PIK3C2G: variants seen among roughly 807,000 people sequenced by gnomAD.
The protein encoded by PIK3C2G is phosphatidylinositol-4-phosphate 3-kinase catalytic subunit type 2 gamma.
In PIK3C2G, 168 loss-of-function variants were observed where a neutral mutation model predicts 181.1. That is an observed-to-expected ratio of 0.93 (90% CI 0.82 to 1.05). The LOEUF is 1.05. Ranked by LOEUF, PIK3C2G falls within the 50% of genes least tolerant of loss-of-function variation. PIK3C2G has a pLI of 0.00. For missense variants in PIK3C2G, 1,869 were observed against 1,732.8 expected, an observed-to-expected ratio of 1.08 and a Z score of -1.40; for synonymous variants, 573 against 592.2, an observed-to-expected ratio of 0.97 and a Z score of 0.47.
chr12:18,689,876 A>G, the PIK3C2G span, among the ~76,000 whole-genome samples: 1 of 150,904 alleles, frequency 6.6e-6, no homozygotes, highest in Non-Finnish European at 1.5e-5. Context: ...GCCTTCTACT[A>G]TCTGAGCAAG....
chr12:18,580,743 C>G (rs1281025997), intron 29 of PIK3C2G, among the ~76,000 whole-genome samples: 1 of 152,162 alleles, frequency 6.6e-6, no homozygotes, highest in African/African-American at 2.4e-5. Context: ...CATTCTGACA[C>G]ACTGCTTTAT....
intron 11 of PIK3C2G, among the ~76,000 whole-genome samples, chr12:18,349,989 G>A (rs1940071491): frequency 6.6e-6 from 1 of 152,178 alleles, no homozygotes; most frequent in Non-Finnish European, 1.5e-5. Context: ...GGAATACGTA[G>A]TCCATGTCGT....
chr12:18,384,197 A>G (rs1451003637), intron 14 of PIK3C2G, among the ~76,000 whole-genome samples: 2 of 152,134 alleles, frequency 1.3e-5, no homozygotes, highest in Admixed American at 1.3e-4. Flanking sequence ...AAAACAATTA[A>G]GTGGTAGATT....
At chr12:18,518,872 T>A (rs1942728699) in intron 24 of PIK3C2G, among the ~76,000 whole-genome samples, 1 of 152,246 alleles carries the variant, frequency 6.6e-6, no homozygotes, top group Admixed American at 6.5e-5. Context: ...GGATATTTAG[T>A]GCTATAAATT....
chr12:18,693,120 A>T, the PIK3C2G span: 1 of 1,520,326 alleles, frequency 6.6e-7, no homozygotes, highest in East Asian at 2.3e-5. Context: ...CTTGGAAGAG[A>T]TCATTGATGA....
chr12:18,515,449 GTATAT>G (rs1396550834), intron 24 of PIK3C2G, among the ~76,000 whole-genome samples: 14 of 151,760 alleles, frequency 9.2e-5, no homozygotes, highest in Non-Finnish European at 1.8e-4. Context: ...TTTAATCTTG[GTATAT>G]TATATGTATC....
intron 15 of PIK3C2G, among the ~76,000 whole-genome samples, chr12:18,394,910 T>TA (rs557223831): frequency 2.0e-5 from 3 of 151,902 alleles, no homozygotes; most frequent in African/African-American, 2.4e-5. Flanking sequence ...AAATTTGATT[T>TA]AAAAAAAATT....
chr12:18,566,552 T>C (rs1257228812), intron 28 of PIK3C2G, among the ~76,000 whole-genome samples: 1 of 152,186 alleles, frequency 6.6e-6, no homozygotes, highest in Non-Finnish European at 1.5e-5. Flanking sequence ...ATTTAGTTAG[T>C]GTAATGGTGT....
chr12:18,584,036 T>G (rs929087920), intron 29 of PIK3C2G, among the ~76,000 whole-genome samples: 10 of 99,532 alleles, frequency 1.0e-4, no homozygotes, highest in East Asian at 3.1e-4. Flanking sequence ...TGTTTTTTTG[T>G]TTTTTTTTTT....
chr12:18,665,767 T>C, the PIK3C2G span, among the ~76,000 whole-genome samples: 85 of 151,976 alleles, frequency 5.6e-4, 1 homozygote, highest in Admixed American at 2.2e-3. Flanking sequence ...AAACTCCTTC[T>C]CTAGTAAAAT....
At chr12:18,410,274 G>A (rs368064936) in intron 16 of PIK3C2G, among the ~76,000 whole-genome samples, 1 of 152,104 alleles carries the variant, frequency 6.6e-6, no homozygotes, top group Non-Finnish European at 1.5e-5. Context: ...CCGAGGTGAG[G>A]TTGGCAGATC....
chr12:18,487,665 C>G (rs574092664), intron 18 of PIK3C2G, among the ~76,000 whole-genome samples: 1 of 152,050 alleles, frequency 6.6e-6, no homozygotes, highest in Non-Finnish European at 1.5e-5. Flanking sequence ...TTTCTCACTT[C>G]GTCGTGATTT....
Position 18,381,770 on chromosome 12 carries a change from T to C in PIK3C2G, c.1885T>C (p.Ser629Pro), listed in dbSNP as rs1565657873. The change falls in exon 14 of 33, where the codon TCC becomes CCC. Residue 629 changes from serine (S) to proline (P), a missense_variant. By Grantham distance (74) the Ser-to-Pro change is moderately conservative. Coordinates refer to ENST00000538779, the MANE Select transcript of PIK3C2G (RefSeq NM_001288772.2). Reference sequence around the variant, plus strand: ...TGTGTGTGTTGTCTTTTGCAGAAAATCCATTCTCGGGTCTATGCTGTTCAG... The same window carrying C: ...TGTGTGTGTTGTCTTTTGCAGAAAACCCATTCTCGGGTCTATGCTGTTCAG... ...TCLPLFPKEKSILGSMLFSMT... is the reference protein window; with the variant it reads ...TCLPLFPKEKPILGSMLFSMT... 6.3e-7 allele frequency: 1 copy of C among 1,598,772 alleles called. No individual in the cohort carries two copies. The highest frequency in any genetic ancestry group is 1.1e-5 in the South Asian group (1 of 90,712).
intron 18 of PIK3C2G, among the ~76,000 whole-genome samples, chr12:18,429,927 C>T (rs999833104): frequency 2.0e-5 from 3 of 152,152 alleles, no homozygotes; most frequent in African/African-American, 7.2e-5. Flanking sequence ...CCCTGGCCTA[C>T]GAAGTGGGAA....
At chr12:18,317,329 G>C (rs2137432867) in intron 6 of PIK3C2G, among the ~76,000 whole-genome samples, 1 of 151,840 alleles carries the variant, frequency 6.6e-6, no homozygotes, top group African/African-American at 2.4e-5. Context: ...GATAGTTTCA[G>C]GATTTTTTTT....
chr12:18,301,257 AAAC>A (rs1346669393), intron 5 of PIK3C2G, among the ~76,000 whole-genome samples: 4 of 152,154 alleles, frequency 2.6e-5, no homozygotes, highest in African/African-American at 9.7e-5. Context: ...ATCCCTAGCA[AAAC>A]TTGGGAAGTT....
chr12:18,425,331 T>A (rs1945735057), intron 18 of PIK3C2G, among the ~76,000 whole-genome samples: 1 of 151,864 alleles, frequency 6.6e-6, no homozygotes, highest in South Asian at 2.1e-4. Context: ...TTTGTGTTTT[T>A]GAAGTAAAGA....
intron 21 of PIK3C2G, among the ~76,000 whole-genome samples, 193 bp from the exon 22 acceptor site, chr12:18,497,425 TA>T (rs1306364266): frequency 1.3e-5 from 2 of 152,188 alleles, no homozygotes; most frequent in Non-Finnish European, 2.9e-5. Context: ...TGTAATTATT[TA>T]AAAGGAAGTT....
In PIK3C2G at chr12:18,341,760, G is replaced by A. The variant is rs570752074; in HGVS notation, c.1396-1567G>A. The stretch of plus-strand genomic sequence containing the variant: ...CCAAAGCAGTCTATCCACCCACCAT[G>A]AACTTAAGATTGAAGAAATGACAAA... On this transcript the variant is annotated intron_variant, in intron 9 of 32. Transcript: ENST00000538779. Among the ~76,000 whole-genome samples the A allele has an allele frequency of 5.9e-5, 9 of 152,100 alleles. No individual in the cohort carries two copies. In the East Asian group the frequency reaches 1.2e-3, roughly 20 times the overall value.
Sources: gnomAD v4.1 joint callset for allele counts (sites outside exome capture counted in the v4.1 genomes callset) on GRCh38, gnomAD v4.1.1 for gene constraint, MANE v1.5 for transcripts, NCBI Gene and HGNC (gene_info 2026-07-23, HGNC 2026-07-21) for gene names.